The following MEX3D variants were observed in gnomAD, a reference collection of about 807,000 sequenced individuals.
The protein encoded by MEX3D is mex-3 RNA binding family member D, also known as RNA-binding protein MEX3D.
A neutral mutation model predicts 6.3 loss-of-function variants in MEX3D; 4 were observed. That is an observed-to-expected ratio of 0.64 (90% confidence interval 0.31 to 1.46). MEX3D has a LOEUF of 1.46. MEX3D is among the 40% of genes most tolerant of loss of function. The pLI, the probability that MEX3D is intolerant of heterozygous loss-of-function variation, is 0.07. For missense variants in MEX3D, 1,038 were observed against 994.4 expected, an observed-to-expected ratio of 1.04 and a Z score of -0.59; for synonymous variants, 626 against 494.1, an observed-to-expected ratio of 1.27 and a Z score of -3.54.
Position 1,567,944 on chromosome 19 carries a change from C to T in MEX3D, c.115G>A (p.Ala39Thr), listed in dbSNP as rs1009482511. 2.7e-5 allele frequency: 26 copies of T among 978,182 alleles called. No homozygotes were observed. In the South Asian group the frequency reaches 7.7e-4, roughly 29 times the overall value. The allele number at this position is 978,182 out of a possible 1,614,324, so 60.6% of individuals were successfully genotyped here. A position where few individuals can be genotyped will look rare whatever the true frequency, so the allele number is the denominator to read the frequency against. The change falls in exon 1 of 2, where the codon GCC (alanine) becomes ACC (threonine). Residue 39 changes from alanine (A) to threonine (T), a missense_variant. Coordinates refer to ENST00000402693, the MANE Select transcript of MEX3D (RefSeq NM_203304.4). The surrounding 1 kb of genome is among the most constrained non-coding windows in gnomAD (Gnocchi z 6.5). Reference protein sequence around the residue: ...GPGPAPPPEGAQEAAPAPRPP... With the variant: ...GPGPAPPPEGTQEAAPAPRPP... Reference sequence around the variant, plus strand: ...CGGGGCGCGGGCGCGGCCTCCTGGGCGCCCTCGGGCGGGGGCGCAGGTCCG... The same window carrying T: ...CGGGGCGCGGGCGCGGCCTCCTGGGTGCCCTCGGGCGGGGGCGCAGGTCCG...
intron 1 of MEX3D, among the ~76,000 whole-genome samples, chr19:1,561,799 A>AC (rs1239354770): frequency 6.6e-6 from 1 of 150,982 alleles, no homozygotes; most frequent in African/African-American, 2.4e-5. Flanking sequence ...ATGCACCACC[A>AC]CCCCCGGCTA....
chr19:1,555,461 C>G lies in MEX3D; in HGVS notation c.*102G>C, dbSNP rs999090861. ...CCCCCCTGCCCCCTCGGCCTCCGCC[C>G]CTCGCCCCCTCCCCGTCCCTCTCCC... On this transcript the variant is annotated 3_prime_UTR_variant, in exon 2 of 2. Coordinates refer to ENST00000402693, the MANE Select transcript of MEX3D (RefSeq NM_203304.4). 1.5e-5 allele frequency: 23 copies of G among 1,486,766 alleles called. No homozygotes were observed. The Admixed American group carries it at 3.7e-4, about 24-fold the overall frequency. The allele number at this position is 1,486,766 out of a possible 1,614,324, so 92.1% of individuals were successfully genotyped here.
In MEX3D at chr19:1,567,716, G is replaced by C. The variant is rs1412576232; in HGVS notation, c.343C>G (p.Leu115Val). 2.9e-6 allele frequency: 3 copies of C among 1,024,592 alleles called. No individual in the cohort carries two copies. The highest frequency in any genetic ancestry group is 1.2e-6 in the Non-Finnish European group (1 of 847,830). 63.5% of individuals were successfully genotyped at this position (1,024,592 alleles called of 1,614,324 possible). A position where few individuals can be genotyped will look rare whatever the true frequency, so the allele number is the denominator to read the frequency against. ...GACCCGGGGGCCACGGCGGGGGCCA[G>C]GGTCGGGGGCGCGCCGGCCTCAGGT... ...DGPEAGAPPT[L>V]APAVAPGSLP... The change falls in exon 1 of 2, where the codon CTG (leucine) becomes GTG (valine). Residue 115 changes from leucine to valine, a missense_variant. Leu to Val is a conservative substitution (Grantham distance 32). Around this residue, in one of 5 missense-constraint regions of MEX3D, gnomAD observed 265 missense variants for 206.3 expected, o/e 1.28. Coordinates refer to ENST00000402693, the MANE Select transcript of MEX3D (RefSeq NM_203304.4). This position sits in a 1 kb window ranked among gnomAD's most constrained non-coding sequence, Gnocchi z 6.5.
At chr19:1,558,494 G>GC (rs951214082) in intron 1 of MEX3D, among the ~76,000 whole-genome samples, 13 of 151,688 alleles carry the variant, frequency 8.6e-5, no homozygotes, top group Non-Finnish European at 1.5e-5. Flanking sequence ...AACTGAAGGC[G>GC]CCCCCCGCCC....
chr19:1,566,650 G>A (rs1191327237), intron 1 of MEX3D, among the ~76,000 whole-genome samples: 2 of 152,034 alleles, frequency 1.3e-5, no homozygotes, highest in African/African-American at 4.8e-5. Context: ...GGTGGTGGGT[G>A]TGAGCTGGGC....
chr19:1,559,775 G>T (rs940057366), intron 1 of MEX3D, among the ~76,000 whole-genome samples: 1 of 152,208 alleles, frequency 6.6e-6, no homozygotes, highest in African/African-American at 2.4e-5. Flanking sequence ...GATGGAAGGC[G>T]TGGGACCTGG....
At position 1,567,762 on chromosome 19, in the gene MEX3D, C is replaced by A; in HGVS notation, c.297G>T (p.Pro99=). The change falls in exon 1 of 2, where the codon CCG becomes CCT. Residue 99 remains proline (P), a synonymous_variant. Transcript: ENST00000402693. This position sits in a 1 kb window ranked among gnomAD's most constrained non-coding sequence, Gnocchi z 6.5. ...CAGGTCCGTCGGGGGGCACAGGCTC[C>A]GGAGCCGCCCCGCCGTCCGCGCCCC... ...AAGGADGGAA[P]EPVPPDGPEA... 1 of 951,276 alleles carries A rather than the reference C, an allele frequency of 1.1e-6. No individual in the cohort carries two copies. Among genetic ancestry groups the A allele is most frequent in the Non-Finnish European group, 1.2e-6 (1 of 800,228 alleles). The allele number at this position is 951,276 out of a possible 1,614,324, so 58.9% of individuals were successfully genotyped here.
At chr19:1,557,263 ATTAAT>A (rs1914598311) in intron 1 of MEX3D, among the ~76,000 whole-genome samples, 1 of 152,148 alleles carries the variant, frequency 6.6e-6, no homozygotes, top group Non-Finnish European at 1.5e-5. Context: ...CGTTGACAGT[ATTAAT>A]TTAATACGTA....
In MEX3D at chr19:1,567,430, C is replaced by G. The variant is rs1914870420; in HGVS notation, c.595+34G>C. 1 of 1,546,210 alleles carries G rather than the reference C, an allele frequency of 6.5e-7. No individual in the cohort carries two copies. The highest frequency in any genetic ancestry group is 1.4e-5 in the African/African-American group (1 of 69,882). ...CCCCGGGGCGGACGGTGCGGGGACC[C>G]CCAGGACAGCAACCCCCGACGAGGG... On this transcript the variant is annotated intron_variant, in intron 1 of 1. Coordinates refer to ENST00000402693, the MANE Select transcript of MEX3D (RefSeq NM_203304.4). This position sits in a 1 kb window ranked among gnomAD's most constrained non-coding sequence, Gnocchi z 6.5.
In MEX3D at chr19:1,556,607, G is replaced by A. The variant is rs758173683; in HGVS notation, c.912C>T (p.His304=). The change falls in exon 2 of 2, where the codon CAC becomes CAT. Residue 304 remains histidine, a synonymous_variant. Coordinates refer to ENST00000402693, the MANE Select transcript of MEX3D (RefSeq NM_203304.4). The surrounding 1 kb of genome is among the most constrained non-coding windows in gnomAD (Gnocchi z 7.5). ...ATIKRIQQRT[H]TYIVTPGRDK... is the part of the protein sequence containing the mutation. Reference sequence around the variant, plus strand: ...CGCGCCCGGGCGTCACGATGTAGGTGTGCGTCCGCTGCTGGATGCGCTTGA... The same window carrying A: ...CGCGCCCGGGCGTCACGATGTAGGTATGCGTCCGCTGCTGGATGCGCTTGA... 2.2e-5 allele frequency: 36 copies of A among 1,610,160 alleles called. 1 individual carries two copies. In the South Asian group the frequency reaches 4.0e-4, roughly 18 times the overall value.
rs772004853 is a variant in MEX3D at position 1,556,409 on chromosome 19, G to A, written c.1110C>T (p.Ala370=). ...GGTTGGGGGTCTTGGCCCAGAGGCT[G>A]GCGGCCGCCCCGAGCAGGTCCAGGC... ...DVCLDLLGAA[A]SLWAKTPNQG... Residue 370 remains alanine (A), a synonymous_variant, in exon 2 of 2, where the codon GCC becomes GCT. Coordinates refer to ENST00000402693, the MANE Select transcript of MEX3D (RefSeq NM_203304.4). The surrounding 1 kb of genome is among the most constrained non-coding windows in gnomAD (Gnocchi z 7.5). 7.0e-6 allele frequency: 11 copies of A among 1,573,942 alleles called. No homozygotes were observed. The highest frequency in any genetic ancestry group is 9.4e-6 in the Non-Finnish European group (11 of 1,167,004).
chr19:1,556,832 C>G lies in MEX3D; in HGVS notation c.687G>C (p.Arg229=). Residue 229 remains arginine, a synonymous_variant, in exon 2 of 2, where the codon CGG becomes CGC. Coordinates refer to ENST00000402693, the MANE Select transcript of MEX3D (RefSeq NM_203304.4). This position sits in a 1 kb window ranked among gnomAD's most constrained non-coding sequence, Gnocchi z 7.5. ...GCTTGGCCATCTCCACGTCCTCCTT[C>G]CGGCCGGTCACGATGAAGACCGGCT... The part of the protein sequence containing the change: ...GEEPVFIVTG[R]KEDVEMAKRE... 11 of 1,612,670 alleles carry G rather than the reference C, an allele frequency of 6.8e-6. No individual in the cohort carries two copies. Among genetic ancestry groups the G allele is most frequent in the Non-Finnish European group, 8.5e-6 (10 of 1,179,836 alleles).
In MEX3D at chr19:1,556,161, A is replaced by C. The variant is rs2145567746; in HGVS notation, c.1358T>G (p.Phe453Cys). The change falls in exon 2 of 2, where the codon TTC (phenylalanine) becomes TGC (cysteine). Residue 453 changes from phenylalanine to cysteine, a missense_variant. Around this residue, in one of 5 missense-constraint regions of MEX3D, gnomAD observed 581 missense variants for 516.2 expected, o/e 1.13. Transcript: ENST00000402693. This position sits in a 1 kb window ranked among gnomAD's most constrained non-coding sequence, Gnocchi z 7.5. Reference sequence around the variant, plus strand: ...CGCCAGGAAGTCGAAGTCGAAGCCGAAGTCGCAGTCGTCGGGGGCGGCCGT... The same window carrying C: ...CGCCAGGAAGTCGAAGTCGAAGCCGCAGTCGCAGTCGTCGGGGGCGGCCGT... Reference protein sequence around the residue: ...VGTAAPDDCDFGFDFDFLALD... With the variant: ...VGTAAPDDCDCGFDFDFLALD... 6.8e-7 allele frequency: 1 copy of C among 1,472,816 alleles called. No homozygotes were observed. Among genetic ancestry groups the C allele is most frequent in the Non-Finnish European group, 9.0e-7 (1 of 1,112,566 alleles). 91.2% of individuals were successfully genotyped at this position (1,472,816 alleles called of 1,614,324 possible). A position where few individuals can be genotyped will look rare whatever the true frequency, so the allele number is the denominator to read the frequency against.
intron 1 of MEX3D, among the ~76,000 whole-genome samples, chr19:1,562,818 C>G (rs369669294): frequency 6.6e-6 from 1 of 152,074 alleles, no homozygotes; most frequent in African/African-American, 2.4e-5. Flanking sequence ...AGTTCGAGAC[C>G]GGCCTGGCCA....
intron 1 of MEX3D, among the ~76,000 whole-genome samples, chr19:1,562,034 G>A (rs1178232631): frequency 6.6e-6 from 1 of 151,974 alleles, no homozygotes; most frequent in African/African-American, 2.4e-5. Context: ...GGCCAAAATG[G>A]GTGGATCACG....
At position 1,556,989 on chromosome 19, in the gene MEX3D, C is replaced by A. The variant is rs770731639; in HGVS notation, c.596-66G>T. On this transcript the variant is annotated intron_variant, in intron 1 of 1. Transcript: ENST00000402693. This position sits in a 1 kb window ranked among gnomAD's most constrained non-coding sequence, Gnocchi z 7.5. ...CCCTGCGCAGCTCAGCCCCGCTGGG[C>A]ATGCAGGCTGCAGGGCCAGTGAGGG... The A allele has an allele frequency of 1.5e-5, 23 of 1,510,932 alleles. No homozygotes were observed. The highest frequency in any genetic ancestry group is 1.8e-5 in the Non-Finnish European group (21 of 1,135,294). The allele number at this position is 1,510,932 out of a possible 1,614,324, so 93.6% of individuals were successfully genotyped here.
Position 1,567,229 on chromosome 19 carries a change from C to T in MEX3D, c.595+235G>A, listed in dbSNP as rs1406597350. 6.6e-6 allele frequency among the ~76,000 whole-genome samples: 1 copy of T among 151,906 alleles called. No individual in the cohort carries two copies. The highest frequency in any genetic ancestry group is 2.1e-4 in the South Asian group (1 of 4,832). ...CTTTCCGGGCTGGAGGCGGCCCAGA[C>T]AAAGGCGGCGGCGGGGCCGGAGCGC... On this transcript the variant is annotated intron_variant, in intron 1 of 1. Coordinates refer to ENST00000402693, the MANE Select transcript of MEX3D (RefSeq NM_203304.4). The surrounding 1 kb of genome is among the most constrained non-coding windows in gnomAD (Gnocchi z 6.5).
At chr19:1,557,581 C>CT in intron 1 of MEX3D, among the ~76,000 whole-genome samples, 1 of 137,794 alleles carries the variant, frequency 7.3e-6, no homozygotes, top group Admixed American at 7.4e-5. Flanking sequence ...AAAAAAAAAG[C>CT]GGGGTGCAGT....
chr19:1,556,022 G>T lies in MEX3D; in HGVS notation c.1497C>A (p.Ala499=). Residue 499 remains alanine, a synonymous_variant, in exon 2 of 2, where the codon GCC becomes GCA. Coordinates refer to ENST00000402693, the MANE Select transcript of MEX3D (RefSeq NM_203304.4). The surrounding 1 kb of genome is among the most constrained non-coding windows in gnomAD (Gnocchi z 7.5). ...STVNGAPGPP[A]AGARRSSGAG... is the part of the protein sequence containing the mutation. ...CCCCACTGCTGCGCCGGGCGCCGGCGGCGGGAGGTCCCGGGGCTCCGTTGA... is the reference window on the plus strand; with the variant it reads ...CCCCACTGCTGCGCCGGGCGCCGGCTGCGGGAGGTCCCGGGGCTCCGTTGA... The T allele has an allele frequency of 1.6e-6, 2 of 1,251,736 alleles. No homozygotes were observed. Among genetic ancestry groups the T allele is most frequent in the East Asian group, 3.8e-5 (1 of 26,008 alleles). 77.5% of individuals were successfully genotyped at this position (1,251,736 alleles called of 1,614,324 possible).
Sources: allele counts gnomAD v4.1 joint callset (sites outside exome capture counted in the v4.1 genomes callset), GRCh38; gene constraint gnomAD v4.1.1; regional missense constraint gnomAD v4.1.1; non-coding constraint Gnocchi (gnomAD v3.1); transcripts MANE v1.5; gene names NCBI Gene and HGNC (gene_info 2026-07-23, HGNC 2026-07-21).